Variants in NRXN1 observed in about 807,000 individuals in gnomAD.
NRXN1 encodes neurexin 1, also known as neurexin-1.
Under a neutral mutation model 150.9 loss-of-function variants are expected in NRXN1, and 39 were observed. The observed-to-expected ratio is 0.26, with a 90% CI of 0.20 to 0.34. NRXN1 has a LOEUF of 0.34. Among genes scored for constraint, NRXN1 ranks in the 10% least tolerant of loss-of-function variants. NRXN1 has a pLI of 1.00. For missense variants in NRXN1, 1,815 were observed against 1,949.9 expected (o/e 0.93, Z 1.30); for synonymous variants, 924 against 757.0 (o/e 1.22, Z -3.62).
Position 50,620,234 on chromosome 2 carries a change from T to C in NRXN1, c.1159-51A>G, listed in dbSNP as rs372367498. The C allele has an allele frequency of 1.5e-4, 229 of 1,560,340 alleles. 2 individuals carry two copies. The African/African-American group carries it at 2.9e-3, about 19-fold the overall frequency. On this transcript the variant is annotated intron_variant, in intron 7 of 22. Transcript: ENST00000401669. ...ACACGCTATACTCAGACCTAGATAC[T>C]GTAATCCTGGGATATGCCTGTTTTG...
At chr2:49,923,608 T>C (rs1182588195) in intron 22 of NRXN1, among the ~76,000 whole-genome samples, 3 of 152,218 alleles carry the variant, frequency 2.0e-5, no homozygotes, top group South Asian at 4.1e-4. Flanking sequence ...TTAATTTTAA[T>C]ATTTCTGCAA....
intron 21 of NRXN1, among the ~76,000 whole-genome samples, chr2:50,047,876 T>C (rs538312448): frequency 6.6e-6 from 1 of 152,236 alleles, no homozygotes; most frequent in East Asian, 1.9e-4. Flanking sequence ...ACCTGAGATA[T>C]AGCAAGTGCT....
chr2:50,429,874 T>C (rs2084809524), intron 17 of NRXN1, among the ~76,000 whole-genome samples: 1 of 152,138 alleles, frequency 6.6e-6, no homozygotes, highest in African/African-American at 2.4e-5. Context: ...AACTAAAAAG[T>C]GATCAAAATA....
At chr2:50,663,759 T>A (rs1426294292) in intron 5 of NRXN1, among the ~76,000 whole-genome samples, 1 of 152,062 alleles carries the variant, frequency 6.6e-6, no homozygotes, top group Admixed American at 6.6e-5. Flanking sequence ...GAATTCACAA[T>A]CTATGTGTGT....
At chr2:50,418,723 T>A (rs188534486) in intron 17 of NRXN1, among the ~76,000 whole-genome samples, 2 of 152,146 alleles carry the variant, frequency 1.3e-5, no homozygotes, top group Admixed American at 6.5e-5. Context: ...CACACCATTA[T>A]CAATGTTTAT....
At chr2:49,970,716 G>T (rs1290847142) in intron 21 of NRXN1, 2 of 152,120 alleles carry the variant, frequency 1.3e-5, no homozygotes, top group Admixed American at 6.6e-5. Context: ...AAATGCTAAA[G>T]AATGTATAAA....
intron 17 of NRXN1, among the ~76,000 whole-genome samples, chr2:50,335,284 G>A (rs992762467): frequency 7.2e-5 from 11 of 152,106 alleles, no homozygotes; most frequent in Non-Finnish European, 1.5e-5. Flanking sequence ...CTTGTGTTCT[G>A]TCTAAATGCT....
chr2:50,963,900 T>C (rs1374810196), intron 2 of NRXN1: 1 of 352,842 alleles, frequency 2.8e-6, no homozygotes, highest in African/African-American at 2.1e-5. Context: ...TAAATATTTG[T>C]TTAATGAATT....
intron 17 of NRXN1, among the ~76,000 whole-genome samples, chr2:50,285,972 G>C (rs1404039981): frequency 2.6e-5 from 4 of 151,908 alleles, no homozygotes; most frequent in African/African-American, 9.7e-5. Context: ...AGCTACCTAA[G>C]AAAAGATATA....
intron 5 of NRXN1, among the ~76,000 whole-genome samples, chr2:50,701,734 T>G (rs771465665): frequency 6.6e-6 from 1 of 152,188 alleles, no homozygotes; most frequent in South Asian, 2.1e-4. Flanking sequence ...CTCCAGTAAG[T>G]TGTAAGCCCT....
intron 18 of NRXN1, among the ~76,000 whole-genome samples, chr2:50,196,014 G>T (rs1187903007): frequency 1.3e-5 from 2 of 151,944 alleles, no homozygotes; most frequent in East Asian, 1.9e-4. Context: ...GGATGTGCAG[G>T]TTTGTTACAT....
intron 12 of NRXN1, among the ~76,000 whole-genome samples, chr2:50,527,441 T>A (rs1176812382): frequency 6.6e-6 from 1 of 152,150 alleles, no homozygotes; most frequent in Non-Finnish European, 1.5e-5. Flanking sequence ...CAGGAACTAT[T>A]TTGTTCGAGA....
At chr2:50,578,041 T>C (rs1671701873) in intron 8 of NRXN1, among the ~76,000 whole-genome samples, 1 of 152,146 alleles carries the variant, frequency 6.6e-6, no homozygotes, top group Non-Finnish European at 1.5e-5. Context: ...AGTATTTTCC[T>C]ACTATAATGT....
chr2:50,520,546 G>T (rs1319520357), intron 12 of NRXN1, among the ~76,000 whole-genome samples: 1 of 151,700 alleles, frequency 6.6e-6, no homozygotes, highest in Non-Finnish European at 1.5e-5. Flanking sequence ...TAATAGAAAA[G>T]CAATTTTGTT....
intron 15 of NRXN1, among the ~76,000 whole-genome samples, chr2:50,474,839 C>CCCCCAA (rs1558795095): frequency 1.0e-4 from 11 of 108,838 alleles, no homozygotes; most frequent in Non-Finnish European, 1.3e-4. Flanking sequence ...GCCCCCCTAC[C>CCCCCAA]AAAAAAAAAA....
chr2:50,003,438 A>G (rs1258246437), intron 21 of NRXN1, among the ~76,000 whole-genome samples: 3 of 152,100 alleles, frequency 2.0e-5, no homozygotes, highest in Non-Finnish European at 4.4e-5. Context: ...ATATTTTGCC[A>G]ATGTGAGGAA....
chr2:50,649,259 TACAC>T lies in NRXN1; in HGVS notation c.833-25648_833-25645del, dbSNP rs10634117. Among the ~76,000 whole-genome samples the T allele has an allele frequency of 7.9e-3, 1,138 of 143,246 alleles. 6 individuals are homozygous for T. The highest frequency in any genetic ancestry group is 0.012 in the South Asian group (53 of 4,388). The allele number at this position is 143,246 out of a possible 152,430, so 94.0% of individuals were successfully genotyped here. On this transcript the variant is annotated intron_variant, in intron 5 of 22. Transcript: ENST00000401669. ...AAGCATGTATACACACATACACACA[TACAC>T]ACACACACACACACACACACACACA...
chr2:50,787,134 A>G (rs1381614906), intron 5 of NRXN1, among the ~76,000 whole-genome samples: 2 of 152,172 alleles, frequency 1.3e-5, no homozygotes, highest in Admixed American at 1.3e-4. Flanking sequence ...TGCCATCTCC[A>G]TCTTTGGAGA....
At chr2:50,579,388 T>C (rs1671911564) in intron 8 of NRXN1, among the ~76,000 whole-genome samples, 1 of 152,224 alleles carries the variant, frequency 6.6e-6, no homozygotes, top group Non-Finnish European at 1.5e-5. Flanking sequence ...ATGCAGGGCA[T>C]GGTGGCTGAT....
Sources: gnomAD v4.1 joint callset for allele counts (sites outside exome capture counted in the v4.1 genomes callset) on GRCh38, gnomAD v4.1.1 for gene constraint, MANE v1.5 for transcripts, NCBI Gene and HGNC (gene_info 2026-07-23, HGNC 2026-07-21) for gene names.